ACVR1: variants seen among roughly 807,000 people sequenced by gnomAD.
ACVR1 encodes activin A receptor type 1.
ACVR1 carries 38 observed loss-of-function variants against 57.1 expected under a neutral mutation model. The ratio of observed to expected loss-of-function variants is 0.67; its 90% CI spans 0.51 to 0.87. The LOEUF (loss-of-function observed/expected upper bound fraction) is 0.87. ACVR1 is among the 40% of genes least tolerant of loss of function. ACVR1 has a pLI of 0.00. For missense variants in ACVR1, 463 were observed against 638.2 expected, an observed-to-expected ratio of 0.73 and a Z score of 2.96; for synonymous variants, 212 against 228.1, an observed-to-expected ratio of 0.93 and a Z score of 0.63.
rs563032886 is a variant in ACVR1 at position 157,826,965 on chromosome 2, G to GA, written c.-182-8407dup. The stretch of plus-strand genomic sequence containing the variant: ...AGAAACAGAGAGAAAGAGAAAGAAA[G>GA]AAAAAAAAACAAAAAGCATTAATAA... On this transcript the variant is annotated intron_variant, in intron 1 of 10. Coordinates refer to ENST00000434821, the MANE Select transcript of ACVR1 (RefSeq NM_001111067.4). Among the ~76,000 whole-genome samples, 107 of 140,556 alleles carry GA rather than the reference G, an allele frequency of 7.6e-4. 1 individual carries two copies. Among genetic ancestry groups the GA allele is most frequent in the Admixed American group, 2.3e-3 (32 of 13,900 alleles). 92.2% of individuals were successfully genotyped at this position (140,556 alleles called of 152,430 possible). A position where few individuals can be genotyped will look rare whatever the true frequency, so the allele number is the denominator to read the frequency against.
chr2:157,811,975 C>G (rs1478787476), intron 2 of ACVR1, among the ~76,000 whole-genome samples: 1 of 152,080 alleles, frequency 6.6e-6, no homozygotes, highest in Non-Finnish European at 1.5e-5. Context: ...TGTTTGAGGA[C>G]TAGAATTTTG....
Position 157,770,588 on chromosome 2 carries a change from T to A in ACVR1, c.644-74A>T, listed in dbSNP as rs554950752. 3.7e-5 allele frequency: 55 copies of A among 1,483,314 alleles called. No individual in the cohort carries two copies. The East Asian group carries it at 1.2e-3, about 32-fold the overall frequency. 91.9% of individuals were successfully genotyped at this position (1,483,314 alleles called of 1,614,324 possible). ...GCAGCCAGCCCATCATTAAGAATAA[T>A]TAATTTAGTGCATGCAACTCTTAAT... On this transcript the variant is annotated intron_variant, in intron 6 of 10. Transcript: ENST00000434821.
chr2:157,864,446 TC>T (rs1689844170), intron 1 of ACVR1, among the ~76,000 whole-genome samples: 1 of 151,934 alleles, frequency 6.6e-6, no homozygotes, highest in African/African-American at 2.4e-5. Flanking sequence ...ACTCCTGCAC[TC>T]AAGGAATCCT....
chr2:157,739,894 A>T (rs1190940939), intron 9 of ACVR1, among the ~76,000 whole-genome samples: 3 of 152,192 alleles, frequency 2.0e-5, no homozygotes, highest in African/African-American at 7.2e-5. Context: ...TATATTTTTT[A>T]AAAATCTAGG....
At chr2:157,757,044 A>ATTTGATATATATATATATATATATAT (rs1559039320) in intron 9 of ACVR1, among the ~76,000 whole-genome samples, 1 of 87,092 alleles carries the variant, frequency 1.1e-5, no homozygotes, top group African/African-American at 6.7e-5. Flanking sequence ...ATATATATAT[A>ATTTGATATATATATATATATATATAT]AAATAGAATA....
chr2:157,810,709 A>G (rs1687721550), intron 2 of ACVR1, among the ~76,000 whole-genome samples: 1 of 152,104 alleles, frequency 6.6e-6, no homozygotes, highest in Non-Finnish European at 1.5e-5. Context: ...TCTCTCTTAC[A>G]TCATCATAAG....
chr2:157,867,344 A>C (rs778112568), intron 1 of ACVR1, among the ~76,000 whole-genome samples: 3 of 152,224 alleles, frequency 2.0e-5, no homozygotes, highest in Non-Finnish European at 4.4e-5. Context: ...ATCCTTGGCT[A>C]ACAGAAGGCT....
At chr2:157,752,372 C>T (rs924921496) in intron 9 of ACVR1, among the ~76,000 whole-genome samples, 6 of 152,298 alleles carry the variant, frequency 3.9e-5, no homozygotes, top group African/African-American at 4.8e-5. Context: ...ATCAGAAAAA[C>T]AATTCTAGTA....
chr2:157,757,045 A>AT (rs1559039330), intron 9 of ACVR1, among the ~76,000 whole-genome samples: 1,129 of 98,124 alleles, frequency 0.012, 14 homozygotes, highest in African/African-American at 0.03. Flanking sequence ...TATATATATA[A>AT]AATAGAATAC....
In ACVR1 at chr2:157,853,397, A is replaced by G. The variant is rs1254837689; in HGVS notation, c.-183+22399T>C. Among the ~76,000 whole-genome samples, 3 of 152,276 alleles carry G rather than the reference A, an allele frequency of 2.0e-5. No homozygotes were observed. In the East Asian group the frequency reaches 5.8e-4, roughly 29 times the overall value. ...AAGTTCTCTGATATCTCTTCTTACA[A>G]GCTGACTAATCCCATCAGGAAGGTC... On this transcript the variant is annotated intron_variant, in intron 1 of 10. Transcript: ENST00000434821.
intron 1 of ACVR1, chr2:157,826,645 C>T (rs1688361775): frequency 7.4e-6 from 1 of 134,552 alleles, no homozygotes; most frequent in Non-Finnish European, 1.5e-5. Context: ...CAGAGTAAGA[C>T]CCTGTCAAAA....
chr2:157,857,673 A>G (rs1184628007), intron 1 of ACVR1, among the ~76,000 whole-genome samples: 1 of 152,226 alleles, frequency 6.6e-6, no homozygotes, highest in Non-Finnish European at 1.5e-5. Context: ...AGAAATGTGT[A>G]CCACATATAG....
At chr2:157,838,572 A>G (rs1688871130) in intron 1 of ACVR1, among the ~76,000 whole-genome samples, 1 of 152,236 alleles carries the variant, frequency 6.6e-6, no homozygotes, top group South Asian at 2.1e-4. Flanking sequence ...CATTAAACCC[A>G]GAAAATATGT....
chr2:157,739,815 A>G (rs1404570414), intron 9 of ACVR1, among the ~76,000 whole-genome samples: 1 of 152,226 alleles, frequency 6.6e-6, no homozygotes, highest in Admixed American at 6.5e-5. Context: ...GAAATGCTAC[A>G]TATCTTTTTA....
intron 9 of ACVR1, among the ~76,000 whole-genome samples, chr2:157,744,161 T>G (rs778591218): frequency 2.6e-5 from 4 of 152,196 alleles, no homozygotes; most frequent in African/African-American, 4.8e-5. Flanking sequence ...ATCCTCCAAC[T>G]TGGGTAGTCA....
intron 1 of ACVR1, among the ~76,000 whole-genome samples, chr2:157,858,827 C>T (rs1689626355): frequency 6.6e-6 from 1 of 152,020 alleles, no homozygotes; most frequent in African/African-American, 2.4e-5. Context: ...CTATGTTGCC[C>T]AGGCTGATTT....
At position 157,870,673 on chromosome 2, in the gene ACVR1, C is replaced by T. The variant is rs180836544; in HGVS notation, c.-183+5123G>A. ...ACTATAAATAATGAAGGATTCCCTG[C>T]TCTGTGGGATATAAAAAATTAGTGA... is the stretch of plus-strand genomic sequence containing the variant. On this transcript the variant is annotated intron_variant, in intron 1 of 10. Transcript: ENST00000434821. 5.0e-4 allele frequency among the ~76,000 whole-genome samples: 76 copies of T among 152,174 alleles called. 1 individual carries two copies. The highest frequency in any genetic ancestry group is 1.7e-3 in the African/African-American group (71 of 41,528).
chr2:157,805,440 C>T (rs1490738734), intron 2 of ACVR1, among the ~76,000 whole-genome samples: 1 of 152,214 alleles, frequency 6.6e-6, no homozygotes, highest in Non-Finnish European at 1.5e-5. Context: ...AAGACACTTT[C>T]TAACCTACGC....
At chr2:157,741,630 GA>G (rs371686542) in intron 9 of ACVR1, among the ~76,000 whole-genome samples, 2,536 of 102,880 alleles carry the variant, frequency 0.025, 61 homozygotes, top group African/African-American at 0.077. Flanking sequence ...TCTCCAAAAA[GA>G]AAAAAAAAAA....
Sources: allele counts gnomAD v4.1 joint callset (sites outside exome capture counted in the v4.1 genomes callset), GRCh38; gene constraint gnomAD v4.1.1; transcripts MANE v1.5; gene names NCBI Gene and HGNC (gene_info 2026-07-23, HGNC 2026-07-21).